The following LCA5 variants were observed in gnomAD, a reference collection of about 807,000 sequenced individuals.
LCA5 encodes the protein lebercilin.
A neutral mutation model predicts 53.0 loss-of-function variants in LCA5; 37 were observed. The ratio of observed to expected loss-of-function variants is 0.70; its 90% CI spans 0.54 to 0.92. LCA5 has a LOEUF of 0.92. Among genes scored for constraint, LCA5 ranks in the 40% least tolerant of loss-of-function variants. The probability of loss-of-function intolerance (pLI) is 0.00; values close to 1 mark genes in which losing one functional copy is unlikely to be tolerated. For missense variants in LCA5, 806 were observed against 790.5 expected (o/e 1.02, Z -0.23); for synonymous variants, 303 against 282.9 (o/e 1.07, Z -0.71).
In LCA5 at chr6:79,517,136, C is replaced by T. The variant is rs767616774; in HGVS notation, c.190+1569G>A. On this transcript the variant is annotated intron_variant, in intron 2 of 7. Transcript: ENST00000369846. ...GATTGCAATTTAGTGTTTACAGAAA[C>T]GTATCAGTTTGGTCTTGTTACTTGG... Among the ~76,000 whole-genome samples, 53 of 151,974 alleles carry T rather than the reference C, an allele frequency of 3.5e-4. 2 individuals carry two copies. The highest frequency in any genetic ancestry group is 1.5e-4 in the Non-Finnish European group (10 of 67,928).
intron 3 of LCA5, among the ~76,000 whole-genome samples, chr6:79,510,181 A>C (rs2127677899): frequency 6.6e-6 from 1 of 152,306 alleles, no homozygotes; most frequent in South Asian, 2.1e-4. Context: ...AGAACAGAAT[A>C]GAGACTATAG....
rs543378785 is a variant in LCA5 at position 79,524,045 on chromosome 6, C to CT, written c.-191-4961dup. Among the ~76,000 whole-genome samples, 4 of 152,108 alleles carry CT rather than the reference C, an allele frequency of 2.6e-5. No individual in the cohort carries two copies. The East Asian group carries it at 7.7e-4, about 29-fold the overall frequency. On this transcript the variant is annotated intron_variant, in intron 1 of 7. Transcript: ENST00000369846. Reference sequence around the variant, plus strand: ...TTTTTCTCTTAGAATTCCTAATTGTCTTTTTTTTCCTATTAAGTGGAAAAA... The same window carrying CT: ...TTTTTCTCTTAGAATTCCTAATTGTCTTTTTTTTTCCTATTAAGTGGAAAAA...
chr6:79,497,141 T>C (rs1179545933), intron 3 of LCA5, among the ~76,000 whole-genome samples: 1 of 152,122 alleles, frequency 6.6e-6, no homozygotes. Flanking sequence ...GAATTGAAGA[T>C]ATAATGAGAG....
intron 1 of LCA5, among the ~76,000 whole-genome samples, chr6:79,524,338 G>A (rs1309371439): frequency 6.6e-6 from 1 of 152,092 alleles, no homozygotes; most frequent in Non-Finnish European, 1.5e-5. Flanking sequence ...CTTCAGAAAG[G>A]GTTTATGGTT....
At position 79,486,830 on chromosome 6, in the gene LCA5, ACTAT is replaced by A. The variant is rs1160379702; in HGVS notation, c.*170_*173del. On this transcript the variant is annotated 3_prime_UTR_variant, in exon 8 of 8. Coordinates refer to ENST00000369846, the MANE Select transcript of LCA5 (RefSeq NM_001122769.3). ...AAAAAGCCTCCTTCATTCTTGGCAA[ACTAT>A]CTATGTGGTGTATGTATGATCTACT... 1.2e-5 allele frequency: 6 copies of A among 508,484 alleles called. No homozygotes were observed. The highest frequency in any genetic ancestry group is 1.1e-4 in the Admixed American group (3 of 26,870). The allele number at this position is 508,484 out of a possible 1,614,324, so 31.5% of individuals were successfully genotyped here.
chr6:79,525,812 G>A (rs1236651760), intron 1 of LCA5, among the ~76,000 whole-genome samples: 2 of 152,214 alleles, frequency 1.3e-5, no homozygotes, highest in Admixed American at 6.5e-5. Context: ...AGCTGCAGGT[G>A]TGGGGGCGGC....
chr6:79,513,981 A>G (rs1353587472), intron 2 of LCA5, among the ~76,000 whole-genome samples: 3 of 152,196 alleles, frequency 2.0e-5, no homozygotes, highest in Admixed American at 2.0e-4. Flanking sequence ...ATTATTCTAC[A>G]TAGCTTTAAA....
At position 79,499,794 on chromosome 6, in the gene LCA5, A is replaced by G. The variant is rs577683401; in HGVS notation, c.721-6044T>C. On this transcript the variant is annotated intron_variant, in intron 3 of 7. Transcript: ENST00000369846. The stretch of plus-strand genomic sequence containing the variant: ...TGTGCCATGCTGGTGTGCTGCACCC[A>G]TTAACTCGTCATTTAGCATTAGGTG... Among the ~76,000 whole-genome samples, 19 of 151,464 alleles carry G rather than the reference A, an allele frequency of 1.3e-4. No individual in the cohort carries two copies. In the East Asian group the frequency reaches 3.7e-3, roughly 29 times the overall value.
chr6:79,494,926 G>T (rs1769939411), intron 3 of LCA5, among the ~76,000 whole-genome samples: 1 of 152,194 alleles, frequency 6.6e-6, no homozygotes, highest in Non-Finnish European at 1.5e-5. Flanking sequence ...TTAAGCAAAT[G>T]AAAAGATAAA....
At chr6:79,501,780 T>C (rs1032912495) in intron 3 of LCA5, among the ~76,000 whole-genome samples, 1 of 151,050 alleles carries the variant, frequency 6.6e-6, no homozygotes, top group Admixed American at 6.6e-5. Context: ...CTGAGTTCTA[T>C]ATAGTTCTCT....
intron 1 of LCA5, among the ~76,000 whole-genome samples, chr6:79,520,696 G>A (rs1766600341): frequency 6.6e-6 from 1 of 152,066 alleles, no homozygotes; most frequent in Non-Finnish European, 1.5e-5. Context: ...TGACCAATAA[G>A]AACTGGTCTT....
chr6:79,511,677 A>T (rs1320627376), intron 3 of LCA5, among the ~76,000 whole-genome samples: 2 of 152,156 alleles, frequency 1.3e-5, no homozygotes, highest in Admixed American at 6.6e-5. Flanking sequence ...TGGTTGTAAT[A>T]TTATAGTTAC....
At chr6:79,500,627 C>G (rs1265035970) in intron 3 of LCA5, among the ~76,000 whole-genome samples, 1 of 152,114 alleles carries the variant, frequency 6.6e-6, no homozygotes, top group East Asian at 1.9e-4. Flanking sequence ...TGAATCTGCA[C>G]AAATACTTCA....
intron 1 of LCA5, among the ~76,000 whole-genome samples, chr6:79,533,850 T>C (rs1039178038): frequency 6.6e-5 from 10 of 151,842 alleles, no homozygotes; most frequent in Non-Finnish European, 1.0e-4. Context: ...CATATCCCTG[T>C]GCTCAGCTTC....
chr6:79,507,298 A>G (rs1431423362), intron 3 of LCA5, among the ~76,000 whole-genome samples: 2 of 152,172 alleles, frequency 1.3e-5, no homozygotes, highest in Non-Finnish European at 2.9e-5. Flanking sequence ...AAGATCTTAT[A>G]ACATATAATG....
chr6:79,494,358 A>ATTT (rs1479010319), intron 3 of LCA5, among the ~76,000 whole-genome samples: 11 of 152,306 alleles, frequency 7.2e-5, no homozygotes, highest in Middle Eastern at 3.4e-3. Context: ...AGATAAAAAC[A>ATTT]ATAGCCATTT....
At chr6:79,525,208 C>T (rs1766746706) in intron 1 of LCA5, 1 of 151,782 alleles carries the variant, frequency 6.6e-6, no homozygotes. Context: ...TTATCTTGGG[C>T]TTTTTATTTA....
chr6:79,522,464 G>A (rs1450155247), intron 1 of LCA5, among the ~76,000 whole-genome samples: 4 of 151,862 alleles, frequency 2.6e-5, no homozygotes, highest in African/African-American at 9.7e-5. Context: ...AGAGATCGAG[G>A]TACAAAGAAG....
At chr6:79,532,360 A>G (rs1224509889) in intron 1 of LCA5, among the ~76,000 whole-genome samples, 1 of 152,148 alleles carries the variant, frequency 6.6e-6, no homozygotes, top group Non-Finnish European at 1.5e-5. Context: ...CATGACAGTG[A>G]GAAAAAGCAA....
Sources: allele counts gnomAD v4.1 joint callset (sites outside exome capture counted in the v4.1 genomes callset), GRCh38; gene constraint gnomAD v4.1.1; transcripts MANE v1.5; gene names NCBI Gene and HGNC (gene_info 2026-07-23, HGNC 2026-07-21).